AGO3: variants seen among roughly 807,000 people sequenced by gnomAD.
AGO3 encodes the protein protein argonaute-3.
Under a neutral mutation model 105.5 loss-of-function variants are expected in AGO3, and 16 were observed. The observed-to-expected ratio is 0.15, with a 90% CI of 0.10 to 0.23. AGO3 has a LOEUF of 0.23. Ranked by LOEUF, AGO3 falls within the 10% of genes least tolerant of loss-of-function variation. The probability of loss-of-function intolerance (pLI) is 1.00; values close to 1 mark genes in which losing one functional copy is unlikely to be tolerated. For missense variants in AGO3, 534 were observed against 1,088.0 expected (o/e 0.49, Z 7.16); for synonymous variants, 340 against 367.3 (o/e 0.93, Z 0.85).
At chr1:35,964,898 T>C (rs1177766326) in intron 2 of AGO3, among the ~76,000 whole-genome samples, 1 of 152,198 alleles carries the variant, frequency 6.6e-6, no homozygotes, top group African/African-American at 2.4e-5. Flanking sequence ...CATTTTTTCA[T>C]ATGCTTGTTG....
intron 17 of AGO3, among the ~76,000 whole-genome samples, chr1:36,046,712 A>G (rs929315664): frequency 6.7e-6 from 1 of 148,198 alleles, no homozygotes; most frequent in Non-Finnish European, 1.5e-5. Context: ...TCAATGTACT[A>G]AGCAGTGCCT....
intron 2 of AGO3, among the ~76,000 whole-genome samples, chr1:35,950,900 CAT>C (rs1227177052): frequency 1.3e-5 from 2 of 152,106 alleles, no homozygotes; most frequent in Non-Finnish European, 1.5e-5. Context: ...TATTTTAAAA[CAT>C]GAATAAAAAT....
chr1:36,049,387 A>G (rs983252461), intron 17 of AGO3, among the ~76,000 whole-genome samples: 12 of 151,940 alleles, frequency 7.9e-5, no homozygotes, highest in Non-Finnish European at 1.5e-4. Flanking sequence ...GCATGGTGGC[A>G]CGCACCTGTA....
intron 17 of AGO3, among the ~76,000 whole-genome samples, chr1:36,053,893 C>T (rs1183032239): frequency 6.6e-6 from 1 of 151,796 alleles, no homozygotes; most frequent in East Asian, 1.9e-4. Flanking sequence ...GGCTTACAGG[C>T]ACGCATCACC....
intron 5 of AGO3, 35 bp downstream of exon 5, chr1:35,973,546 G>T: frequency 2.1e-6 from 3 of 1,440,538 alleles, no homozygotes; most frequent in Non-Finnish European, 2.8e-6. Flanking sequence ...GTATTGGGTG[G>T]TGGATTTCTG....
At chr1:36,014,436 G>A (rs1011973077) in intron 11 of AGO3, among the ~76,000 whole-genome samples, 2 of 151,750 alleles carry the variant, frequency 1.3e-5, no homozygotes, top group Non-Finnish European at 2.9e-5. Flanking sequence ...GGGATTACAG[G>A]CATGAGCCAC....
At chr1:35,982,565 G>C in intron 5 of AGO3, 1 of 701,786 alleles carries the variant, frequency 1.4e-6, no homozygotes, top group Non-Finnish European at 2.6e-6. Flanking sequence ...CCTTTAGATA[G>C]GGATACTTCA....
intron 5 of AGO3, among the ~76,000 whole-genome samples, chr1:35,995,722 G>A (rs1017556163): frequency 6.6e-6 from 1 of 152,112 alleles, no homozygotes; most frequent in Admixed American, 6.5e-5. Context: ...CTATCACCCG[G>A]ACTGGAGTGC....
At chr1:36,005,773 C>T in intron 6 of AGO3, 3 of 985,244 alleles carry the variant, frequency 3.0e-6, no homozygotes, top group East Asian at 1.1e-4. Context: ...AGCATGGACT[C>T]GATCTTAACT....
At chr1:35,995,206 AAAAATAT>A (rs1320376102) in intron 5 of AGO3, among the ~76,000 whole-genome samples, 3 of 117,212 alleles carry the variant, frequency 2.6e-5, no homozygotes, top group African/African-American at 1.2e-4. Flanking sequence ...GTCTAAAAAA[AAAAATAT>A]ATATATATAT....
intron 5 of AGO3, among the ~76,000 whole-genome samples, chr1:35,995,539 G>A (rs1292675453): frequency 2.6e-5 from 4 of 151,992 alleles, no homozygotes; most frequent in African/African-American, 9.7e-5. Context: ...TGTAACAACT[G>A]GGTATTTGTA....
chr1:36,009,934 T>A (rs1444928272), intron 9 of AGO3, among the ~76,000 whole-genome samples: 5 of 1,954 alleles, frequency 2.6e-3, no homozygotes, highest in South Asian at 0.012. Context: ...CTAAAATTCT[T>A]TTTTTTTTTT....
rs549475457 is a variant in AGO3, at chr1:36,054,727, A to G, written c.2275-219A>G. On this transcript the variant is annotated intron_variant, in intron 17 of 18. Coordinates refer to ENST00000373191, the MANE Select transcript of AGO3 (RefSeq NM_024852.4). ...AAAACCCTGTCCCTACTAAAAATAC[A>G]AAAAATTAGCTGGGCATGATCACAC... Among the ~76,000 whole-genome samples the G allele has an allele frequency of 1.1e-4, 16 of 152,210 alleles. No individual in the cohort carries two copies. In the South Asian group the frequency reaches 2.7e-3, roughly 26 times the overall value.
intron 11 of AGO3, among the ~76,000 whole-genome samples, chr1:36,018,656 C>T (rs1018013750): frequency 8.5e-5 from 13 of 152,130 alleles, no homozygotes; most frequent in African/African-American, 3.1e-4. Context: ...TGGTCTCGAT[C>T]TCCTGACCTC....
intron 11 of AGO3, among the ~76,000 whole-genome samples, chr1:36,014,412 C>T (rs1008164090): frequency 2.0e-5 from 3 of 151,598 alleles, no homozygotes; most frequent in Non-Finnish European, 2.9e-5. Context: ...CCCGCCTTGG[C>T]CCCCCAAGGT....
chr1:35,971,723 A>G (rs1646874451), intron 3 of AGO3, among the ~76,000 whole-genome samples: 1 of 151,984 alleles, frequency 6.6e-6, no homozygotes, highest in Non-Finnish European at 1.5e-5. Context: ...TGCTTTTGTC[A>G]CTTAATAGTA....
intron 17 of AGO3, among the ~76,000 whole-genome samples, chr1:36,050,017 A>G (rs1433632394): frequency 1.3e-5 from 2 of 152,242 alleles, no homozygotes; most frequent in African/African-American, 2.4e-5. Flanking sequence ...ATCTAGACAG[A>G]AAATCAACAA....
At chr1:36,052,197 G>T (rs939749108) in intron 17 of AGO3, among the ~76,000 whole-genome samples, 2 of 151,920 alleles carry the variant, frequency 1.3e-5, no homozygotes, top group Admixed American at 6.6e-5. Context: ...AAGAAAATAT[G>T]GTATTTATAC....
rs1407538479 is a variant in AGO3, at chr1:36,061,381, A to C, written c.*5636A>C. On this transcript the variant is annotated 3_prime_UTR_variant, in exon 19 of 19. Transcript: ENST00000373191. ...GCTAATATTACCTACTACTCATTGA[A>C]ATTTATATTACTTTACCCATCAAAA... is the stretch of plus-strand genomic sequence containing the variant. The C allele has an allele frequency of 1.3e-5, 2 of 152,182 alleles. No homozygotes were observed. The highest frequency in any genetic ancestry group is 2.9e-5 in the Non-Finnish European group (2 of 68,030). The allele number at this position is 152,182 out of a possible 1,614,324, so 9.4% of individuals were successfully genotyped here. A position where few individuals can be genotyped will look rare whatever the true frequency, so the allele number is the denominator to read the frequency against.
Sources: gnomAD v4.1 joint callset for allele counts (sites outside exome capture counted in the v4.1 genomes callset) on GRCh38, gnomAD v4.1.1 for gene constraint, MANE v1.5 for transcripts, NCBI Gene and HGNC (gene_info 2026-07-23, HGNC 2026-07-21) for gene names.